Variants in SLC7A7 observed in about 807,000 individuals in gnomAD.
SLC7A7 encodes the protein solute carrier family 7 member 7.
In SLC7A7, 39 loss-of-function variants were observed where a neutral mutation model predicts 47.9. That is an observed-to-expected ratio of 0.81 (90% CI 0.63 to 1.06). SLC7A7 has a LOEUF of 1.06. Ranked by LOEUF, SLC7A7 falls within the 50% of genes least tolerant of loss-of-function variation. SLC7A7 has a pLI of 0.00. For synonymous variants in SLC7A7, 234 were observed against 242.8 expected, an observed-to-expected ratio of 0.96 and a Z score of 0.34; for missense variants, 588 against 632.0, an observed-to-expected ratio of 0.93 and a Z score of 0.75.
Position 22,813,051 on chromosome 14 carries a change from A to C in SLC7A7, c.348T>G (p.Ala116=). Residue 116 remains alanine, a synonymous_variant, in exon 2 of 10, where the codon GCT becomes GCG. Transcript: ENST00000674313. ...GCAGGGAGGTCCAGAGTCTGATGAAAGCAAGGAATCCTCCAAAGGCCTCCA... is the reference window on the plus strand; with the variant it reads ...GCAGGGAGGTCCAGAGTCTGATGAACGCAAGGAATCCTCCAAAGGCCTCCA... ...YILEAFGGFL[A]FIRLWTSLLI... is the part of the protein sequence containing the mutation. 6.2e-7 allele frequency: 1 copy of C among 1,614,164 alleles called. No homozygotes were observed. Among genetic ancestry groups the C allele is most frequent in the South Asian group, 1.1e-5 (1 of 91,084 alleles).
chr14:22,813,484 T>C (rs879612915), intron 1 of SLC7A7, 44 bp from the exon 2 acceptor site: 19 of 1,553,368 alleles, frequency 1.2e-5, no homozygotes, highest in East Asian at 1.1e-4. Flanking sequence ...TGGTTGGCAA[T>C]TACATAGAAC....
intron 2 of SLC7A7, among the ~76,000 whole-genome samples, chr14:22,781,898 T>C (rs2038725472): frequency 6.6e-6 from 1 of 152,118 alleles, no homozygotes; most frequent in African/African-American, 2.4e-5. Flanking sequence ...AGGGTAACCA[T>C]GAGTCATAAC....
intron 2 of SLC7A7, among the ~76,000 whole-genome samples, chr14:22,788,591 C>T (rs977241137): frequency 6.6e-6 from 1 of 151,612 alleles, no homozygotes; most frequent in East Asian, 1.9e-4. Flanking sequence ...GTCATCCCAG[C>T]TACTCAGGAG....
At position 22,776,050 on chromosome 14, in the gene SLC7A7, G is replaced by A. The variant is rs77504594; in HGVS notation, c.895-114C>T. 3.3e-3 allele frequency: 4,676 copies of A among 1,417,060 alleles called. 121 individuals are homozygous for A. The African/African-American group carries it at 0.058, about 18-fold the overall frequency. The allele number at this position is 1,417,060 out of a possible 1,614,324, so 87.8% of individuals were successfully genotyped here. The stretch of plus-strand genomic sequence containing the variant: ...TATTCCAACCTTTCTTCCACAGTGG[G>A]GTTAACAGGACCTTCTTGCAAGCCC... On this transcript the variant is annotated intron_variant, in intron 5 of 9. Coordinates refer to ENST00000674313, the MANE Select transcript of SLC7A7 (RefSeq NM_003982.4).
At chr14:22,780,318 T>C in intron 2 of SLC7A7, 1 of 432,360 alleles carries the variant, frequency 2.3e-6, no homozygotes. Flanking sequence ...AAAAAATACA[T>C]CCAAATGTCC....
At chr14:22,815,695 A>G (rs28364570), upstream of SLC7A7, 54,202 of 453,776 alleles carry the variant, frequency 0.12, 5,332 homozygotes, top group African/African-American at 0.35. Flanking sequence ...CAGTCAGCTG[A>G]GTGCAGTATC....
chr14:22,798,202 C>T (rs1198812026), intron 2 of SLC7A7, among the ~76,000 whole-genome samples: 1 of 152,048 alleles, frequency 6.6e-6, no homozygotes, highest in Non-Finnish European at 1.5e-5. Flanking sequence ...GAGGCTGAGG[C>T]AGGAGAATCG....
intron 2 of SLC7A7, chr14:22,780,509 G>T: frequency 5.8e-6 from 1 of 171,554 alleles, no homozygotes; most frequent in South Asian, 1.4e-4. Flanking sequence ...CTTATCCAAT[G>T]CTGAGCCAGC....
intron 2 of SLC7A7, among the ~76,000 whole-genome samples, chr14:22,809,427 G>C (rs2039266082): frequency 1.3e-5 from 2 of 149,932 alleles, no homozygotes; most frequent in Admixed American, 1.3e-4. Context: ...TGCAACCTCT[G>C]CCTCCCGGGT....
intron 2 of SLC7A7, among the ~76,000 whole-genome samples, chr14:22,795,835 A>C (rs1402941491): frequency 6.6e-6 from 1 of 152,092 alleles, no homozygotes; most frequent in East Asian, 1.9e-4. Context: ...ACTGCTGCCC[A>C]GCATCTTCCG....
intron 2 of SLC7A7, among the ~76,000 whole-genome samples, chr14:22,802,500 C>T (rs1432847265): frequency 6.6e-6 from 1 of 152,166 alleles, no homozygotes; most frequent in Admixed American, 6.6e-5. Context: ...TAGATAGGCA[C>T]AGCTCTTCTG....
intron 7 of SLC7A7, among the ~76,000 whole-genome samples, 169 bp downstream of exon 7, chr14:22,775,274 TC>T (rs1423708721): frequency 6.6e-6 from 1 of 152,232 alleles, no homozygotes; most frequent in African/African-American, 2.4e-5. Context: ...CATTTGGATT[TC>T]CCCTGTAGCG....
intron 2 of SLC7A7, among the ~76,000 whole-genome samples, chr14:22,797,337 G>A (rs2039036912): frequency 6.6e-6 from 1 of 152,086 alleles, no homozygotes; most frequent in Non-Finnish European, 1.5e-5. Context: ...TCTCTGTTTG[G>A]GAAAAGCAAC....
At chr14:22,780,085 C>T (rs781134217) in intron 2 of SLC7A7, 34 bp from the exon 3 acceptor site, 13 of 1,612,610 alleles carry the variant, frequency 8.1e-6, no homozygotes, top group Non-Finnish European at 1.1e-5. Context: ...GGTGACTTAC[C>T]CTTACCACCC....
intron 2 of SLC7A7, among the ~76,000 whole-genome samples, chr14:22,790,545 T>C (rs1417487705): frequency 6.6e-6 from 1 of 152,086 alleles, no homozygotes; most frequent in Non-Finnish European, 1.5e-5. Context: ...TCCCTTATGA[T>C]AGCAGATCCT....
intron 2 of SLC7A7, among the ~76,000 whole-genome samples, chr14:22,797,235 G>A (rs1047619646): frequency 6.6e-6 from 1 of 152,160 alleles, no homozygotes; most frequent in Non-Finnish European, 1.5e-5. Context: ...CTGTGGTAAT[G>A]GAGATGCCTA....
At chr14:22,809,929 C>T (rs2039275827) in intron 2 of SLC7A7, among the ~76,000 whole-genome samples, 1 of 149,946 alleles carries the variant, frequency 6.7e-6, no homozygotes, top group Non-Finnish European at 1.5e-5. Context: ...ATCCCAGCTA[C>T]TTGGGAGGCT....
chr14:22,818,376 T>C (rs780379254), upstream of SLC7A7, among the ~76,000 whole-genome samples: 2 of 152,014 alleles, frequency 1.3e-5, no homozygotes, highest in African/African-American at 4.8e-5. Context: ...CTGCCATGCA[T>C]TGAGAACATG....
chr14:22,775,599 C>T (rs1331878167), intron 6 of SLC7A7, 59 bp from the exon 7 acceptor site: 3 of 1,400,140 alleles, frequency 2.1e-6, no homozygotes, highest in Admixed American at 1.7e-5. Flanking sequence ...CAGCCTGGTT[C>T]ACCTGCCACA....
Sources: allele counts gnomAD v4.1 joint callset (sites outside exome capture counted in the v4.1 genomes callset), GRCh38; gene constraint gnomAD v4.1.1; transcripts MANE v1.5; gene names NCBI Gene and HGNC (gene_info 2026-07-23, HGNC 2026-07-21).